The following CACNA1I variants were observed in gnomAD, a reference collection of about 807,000 sequenced individuals.
CACNA1I encodes voltage-dependent T-type calcium channel subunit alpha-1I.
In CACNA1I, 74 loss-of-function variants were observed where a neutral mutation model predicts 201.6. The observed-to-expected ratio is 0.37, with a 90% confidence interval of 0.30 to 0.45. The LOEUF (loss-of-function observed/expected upper bound fraction) is 0.45. CACNA1I is among the 20% of genes least tolerant of loss of function. CACNA1I has a pLI of 1.00. For missense variants in CACNA1I, 2,346 were observed against 3,138.1 expected (o/e 0.75, Z 6.03); for synonymous variants, 1,431 against 1,345.2 (o/e 1.06, Z -1.40).
rs144613099 is a variant in CACNA1I at position 39,679,621 on chromosome 22, G to A, written c.5395-101G>A. The A allele has an allele frequency of 1.8e-4, 223 of 1,220,478 alleles. No homozygotes were observed. The African/African-American group carries it at 2.9e-3, about 16-fold the overall frequency. The allele number at this position is 1,220,478 out of a possible 1,614,324, so 75.6% of individuals were successfully genotyped here. On this transcript the variant is annotated intron_variant, in intron 32 of 36. Coordinates refer to ENST00000402142, the MANE Select transcript of CACNA1I (RefSeq NM_021096.4). Reference sequence around the variant, plus strand: ...AGGGGGTCGGTCCCAGGCCATGGGCGCAGAGAACCAACCGGGAGGGCAGCT... The same window carrying A: ...AGGGGGTCGGTCCCAGGCCATGGGCACAGAGAACCAACCGGGAGGGCAGCT...
intron 5 of CACNA1I, among the ~76,000 whole-genome samples, chr22:39,638,661 CT>C (rs935386436): frequency 1.4e-4 from 21 of 151,680 alleles, no homozygotes; most frequent in African/African-American, 1.2e-4. Flanking sequence ...TATCTTTTGT[CT>C]TTTTTTTCCC....
chr22:39,619,428 C>T (rs954977314), intron 4 of CACNA1I, 21 bp downstream of exon 4: 8 of 1,572,502 alleles, frequency 5.1e-6, no homozygotes, highest in Non-Finnish European at 7.0e-6. Flanking sequence ...CCCGCCCTGT[C>T]CACACATTCC....
In CACNA1I at chr22:39,596,865, C is replaced by T. The variant is rs558270783; in HGVS notation, c.237-1286C>T. 3.3e-5 allele frequency among the ~76,000 whole-genome samples: 5 copies of T among 152,180 alleles called. No homozygotes were observed. In the South Asian group the frequency reaches 8.3e-4, roughly 25 times the overall value. On this transcript the variant is annotated intron_variant, in intron 1 of 36. Transcript: ENST00000402142. ...AGTTCAAATGCAGGTCTCCTGGCTT[C>T]GTGGTCTTGTTTGCTGCTTTTACTG...
intron 3 of CACNA1I, 141 bp from the exon 4 acceptor site, chr22:39,619,169 G>T: frequency 3.0e-6 from 2 of 673,356 alleles, no homozygotes; most frequent in South Asian, 1.7e-5. Context: ...ATGTTGGCCA[G>T]GTGTAGCTGG....
Position 39,659,997 on chromosome 22 carries a change from G to A in CACNA1I, c.2604+145G>A. On this transcript the variant is annotated intron_variant, in intron 14 of 36. Coordinates refer to ENST00000402142, the MANE Select transcript of CACNA1I (RefSeq NM_021096.4). The surrounding 1 kb of genome is among the most constrained non-coding windows in gnomAD (Gnocchi z 4.3). ...AAAGGAGGGGGTTGCTGATGAGGTG[G>A]TGAGCTCTTCATCATAGGAAGCATG... The A allele has an allele frequency of 1.2e-6, 1 of 866,112 alleles. No homozygotes were observed. Among genetic ancestry groups the A allele is most frequent in the South Asian group, 1.6e-5 (1 of 60,986 alleles). 53.7% of individuals were successfully genotyped at this position (866,112 alleles called of 1,614,324 possible).
At position 39,666,048 on chromosome 22, in the gene CACNA1I, C is replaced by T. The variant is rs1398018667; in HGVS notation, c.4104+42C>T. 1 of 1,592,280 alleles carries T rather than the reference C, an allele frequency of 6.3e-7. No homozygotes were observed. Among genetic ancestry groups the T allele is most frequent in the African/African-American group, 1.3e-5 (1 of 74,394 alleles). On this transcript the variant is annotated intron_variant, in intron 23 of 36. Coordinates refer to ENST00000402142, the MANE Select transcript of CACNA1I (RefSeq NM_021096.4). This position sits in a 1 kb window ranked among gnomAD's most constrained non-coding sequence, Gnocchi z 4.1. ...TAGCCCTGATCAGACCCTCCCCTCT[C>T]TTGGATGCCAGTGGCTCTGGGAATC... is the stretch of plus-strand genomic sequence containing the variant.
At chr22:39,574,353 T>G (rs542409984) in intron 1 of CACNA1I, among the ~76,000 whole-genome samples, 2 of 151,768 alleles carry the variant, frequency 1.3e-5, no homozygotes, top group South Asian at 2.1e-4. Flanking sequence ...TTGGGTCAGG[T>G]GGGAGAGGGG....
In CACNA1I at chr22:39,685,925, C is replaced by T; in HGVS notation, c.6192C>T (p.Arg2064=). The T allele has an allele frequency of 1.5e-6, 2 of 1,313,876 alleles. No homozygotes were observed. Among genetic ancestry groups the T allele is most frequent in the Non-Finnish European group, 9.6e-7 (1 of 1,042,050 alleles). The allele number at this position is 1,313,876 out of a possible 1,614,324, so 81.4% of individuals were successfully genotyped here. ...GPRAGLSPAA[R]RRLSLRGRGL... Reference sequence around the variant, plus strand: ...GGGCCGGCCTGTCCCCCGCCGCTCGCCGCCGCCTGAGCCTGCGCGGCCGGG... The same window carrying T: ...GGGCCGGCCTGTCCCCCGCCGCTCGTCGCCGCCTGAGCCTGCGCGGCCGGG... Residue 2064 remains arginine (R), a synonymous_variant, in exon 37 of 37, where the codon CGC becomes CGT. Coordinates refer to ENST00000402142, the MANE Select transcript of CACNA1I (RefSeq NM_021096.4). The surrounding 1 kb of genome is among the most constrained non-coding windows in gnomAD (Gnocchi z 5.0).
chr22:39,583,189 TATCCAACAATCCATCCATCCATCC>T (rs1328433089), intron 1 of CACNA1I, among the ~76,000 whole-genome samples: 6 of 89,494 alleles, frequency 6.7e-5, no homozygotes, highest in South Asian at 4.2e-4. Context: ...TCCATCCATC[TATCCAACAATCCATCCATCCATCC>T]ATCCAACAAT....
chr22:39,571,764 C>T (rs1382045830), intron 1 of CACNA1I, among the ~76,000 whole-genome samples: 1 of 152,250 alleles, frequency 6.6e-6, no homozygotes, highest in Non-Finnish European at 1.5e-5. Context: ...TCTGGGATTC[C>T]TCCTCTGCTT....
intron 7 of CACNA1I, chr22:39,643,310 G>A (rs1934395790): frequency 6.2e-6 from 1 of 162,498 alleles, no homozygotes; most frequent in Admixed American, 6.2e-5. Flanking sequence ...GGTTTGGAGG[G>A]AGGTCGCCTG....
At chr22:39,613,885 TG>T (rs1463699330) in intron 3 of CACNA1I, among the ~76,000 whole-genome samples, 3 of 151,974 alleles carry the variant, frequency 2.0e-5, no homozygotes, top group Non-Finnish European at 4.4e-5. Context: ...TCACCCAGGC[TG>T]GAGTGCAGTG....
At chr22:39,574,444 G>GA (rs1285669251) in intron 1 of CACNA1I, among the ~76,000 whole-genome samples, 3 of 152,120 alleles carry the variant, frequency 2.0e-5, no homozygotes, top group Admixed American at 1.3e-4. Context: ...CTCAGTCGTG[G>GA]GGAGCTCAGG....
In CACNA1I at chr22:39,688,142, CTG is replaced by C. The variant is rs1281746219; in HGVS notation, c.*1738_*1739del. On this transcript the variant is annotated 3_prime_UTR_variant, in exon 37 of 37. Transcript: ENST00000402142. The surrounding 1 kb of genome is among the most constrained non-coding windows in gnomAD (Gnocchi z 4.8). Reference sequence around the variant, plus strand: ...GGGGTTGTCAAGCCCACCCGGGAAACTGAGCCCTGGAGAGGGGAAGCAGCCAG... The same window carrying C: ...GGGGTTGTCAAGCCCACCCGGGAAACAGCCCTGGAGAGGGGAAGCAGCCAG... 6.6e-6 allele frequency: 1 copy of C among 152,252 alleles called. No homozygotes were observed. Among genetic ancestry groups the C allele is most frequent in the East Asian group, 1.9e-4 (1 of 5,202 alleles). 9.4% of individuals were successfully genotyped at this position (152,252 alleles called of 1,614,324 possible).
chr22:39,626,839 CCTGATAA>C (rs1205014627), intron 4 of CACNA1I, among the ~76,000 whole-genome samples: 13 of 152,156 alleles, frequency 8.5e-5, no homozygotes, highest in African/African-American at 2.9e-4. Context: ...TTGAGATCCG[CCTGATAA>C]GTGGCTAAAG....
At chr22:39,667,479 A>T (rs1339131302) in intron 23 of CACNA1I, among the ~76,000 whole-genome samples, 1 of 152,196 alleles carries the variant, frequency 6.6e-6, no homozygotes, top group African/African-American at 2.4e-5. Context: ...GCAGTTTCAG[A>T]TGAAATGGGA....
intron 1 of CACNA1I, among the ~76,000 whole-genome samples, chr22:39,591,343 G>A (rs1932819396): frequency 6.6e-6 from 1 of 150,646 alleles, no homozygotes; most frequent in Non-Finnish European, 1.5e-5. Flanking sequence ...TGTATTTTTA[G>A]TAGAGACGGG....
chr22:39,642,457 CAA>C (rs1210324711), intron 6 of CACNA1I, among the ~76,000 whole-genome samples: 1 of 152,152 alleles, frequency 6.6e-6, no homozygotes, highest in Non-Finnish European at 1.5e-5. Flanking sequence ...GGCTGAGACT[CAA>C]AGAGGGTGGG....
At chr22:39,613,152 C>T (rs929390039) in intron 3 of CACNA1I, among the ~76,000 whole-genome samples, 1 of 152,234 alleles carries the variant, frequency 6.6e-6, no homozygotes, top group African/African-American at 2.4e-5. Context: ...TCAGTCATTT[C>T]TTGTGGCTTC....
Sources: gnomAD v4.1 joint callset for allele counts (sites outside exome capture counted in the v4.1 genomes callset) on GRCh38, gnomAD v4.1.1 for gene constraint, Gnocchi (gnomAD v3.1) non-coding constraint, MANE v1.5 for transcripts, NCBI Gene and HGNC (gene_info 2026-07-23, HGNC 2026-07-21) for gene names.